Variants in KCNJ6 observed in about 807,000 individuals in gnomAD.
KCNJ6 encodes the protein G protein-activated inward rectifier potassium channel 2.
In KCNJ6, 9 loss-of-function variants were observed where a neutral mutation model predicts 34.2. The ratio of observed to expected loss-of-function variants is 0.26; its 90% confidence interval spans 0.16 to 0.46. The LOEUF is 0.46. KCNJ6 is among the 20% of genes least tolerant of loss of function. The pLI, the probability that KCNJ6 is intolerant of heterozygous loss-of-function variation, is 1.00. For missense variants in KCNJ6, 236 were observed against 531.3 expected (o/e 0.44, Z 5.46); for synonymous variants, 196 against 207.1 (o/e 0.95, Z 0.46).
intron 3 of KCNJ6, among the ~76,000 whole-genome samples, chr21:37,674,702 C>T (rs1267715412): frequency 6.6e-6 from 1 of 151,564 alleles, no homozygotes; most frequent in African/African-American, 2.4e-5. Context: ...CCCTATACCT[C>T]ACGTACTTCA....
chr21:37,621,031 T>C lies in KCNJ6; in HGVS notation c.*4128A>G, dbSNP rs1322141652. The C allele has an allele frequency of 1.3e-5, 2 of 152,234 alleles. No homozygotes were observed. Among genetic ancestry groups the C allele is most frequent in the African/African-American group, 4.8e-5 (2 of 41,462 alleles). 9.4% of individuals were successfully genotyped at this position (152,234 alleles called of 1,614,324 possible). A position where few individuals can be genotyped will look rare whatever the true frequency, so the allele number is the denominator to read the frequency against. The stretch of plus-strand genomic sequence containing the variant: ...AACAAGATAATGTTATTTTAGTGTA[T>C]TGTAAAGTAATATCAATGAATCATC... On this transcript the variant is annotated 3_prime_UTR_variant, in exon 4 of 4. Transcript: ENST00000609713.
rs35281433 is a variant in KCNJ6, at chr21:37,607,484, T to TATATATATATATATATATA, written c.*17674_*17675insTATATATATATATATATAT. The TATATATATATATATATATA allele has an allele frequency of 3.1e-3, 192 of 62,140 alleles. No homozygotes were observed. Among genetic ancestry groups the TATATATATATATATATATA allele is most frequent in the East Asian group, 0.013 (20 of 1,546 alleles). 3.8% of individuals were successfully genotyped at this position (62,140 alleles called of 1,614,324 possible). A position where few individuals can be genotyped will look rare whatever the true frequency, so the allele number is the denominator to read the frequency against. On this transcript the variant is annotated 3_prime_UTR_variant, in exon 4 of 4. Coordinates refer to ENST00000609713, the MANE Select transcript of KCNJ6 (RefSeq NM_002240.5). The stretch of plus-strand genomic sequence containing the variant: ...TAAAGATATATATATATATATATAT[T>TATATATATATATATATATA]TTTTTTTTATTTTAAAAAAATTTGG...
At chr21:37,858,997 C>T (rs1480935876) in intron 1 of KCNJ6, among the ~76,000 whole-genome samples, 2 of 152,086 alleles carry the variant, frequency 1.3e-5, no homozygotes, top group African/African-American at 4.8e-5. Context: ...GATGTAAGTA[C>T]AGTATATATT....
intron 2 of KCNJ6, among the ~76,000 whole-genome samples, chr21:37,760,967 G>A (rs1432436747): frequency 6.6e-6 from 1 of 152,200 alleles, no homozygotes; most frequent in African/African-American, 2.4e-5. Context: ...ATGAGACAAA[G>A]CCAGGCAGGT....
At chr21:37,738,289 G>C (rs1389039254) in intron 2 of KCNJ6, among the ~76,000 whole-genome samples, 1 of 152,148 alleles carries the variant, frequency 6.6e-6, no homozygotes, top group African/African-American at 2.4e-5. Context: ...TGGGTTTCAT[G>C]CACTTGGGAT....
At chr21:37,736,206 T>C (rs2054912356) in intron 2 of KCNJ6, among the ~76,000 whole-genome samples, 1 of 151,920 alleles carries the variant, frequency 6.6e-6, no homozygotes, top group African/African-American at 2.4e-5. Flanking sequence ...GCCCTGGGGA[T>C]GCAAAGACCA....
intron 2 of KCNJ6, among the ~76,000 whole-genome samples, chr21:37,764,646 G>A (rs1313661377): frequency 1.3e-5 from 2 of 152,156 alleles, no homozygotes; most frequent in African/African-American, 4.8e-5. Context: ...CCCAAGTGCC[G>A]GGATTACAGG....
intron 1 of KCNJ6, among the ~76,000 whole-genome samples, chr21:37,912,532 C>T (rs2836050): frequency 0.32 from 49,101 of 152,108 alleles, 10,574 homozygotes; most frequent in African/African-American, 0.61. Context: ...TCATAATGAA[C>T]GTCTACTTCC....
At chr21:37,688,177 A>G (rs946306907) in intron 3 of KCNJ6, among the ~76,000 whole-genome samples, 1 of 152,190 alleles carries the variant, frequency 6.6e-6, no homozygotes, top group Admixed American at 6.5e-5. Flanking sequence ...CTGTTCTAAC[A>G]TATTTGAATT....
chr21:37,826,989 C>A, intron 2 of KCNJ6, among the ~76,000 whole-genome samples: 1 of 152,080 alleles, frequency 6.6e-6, no homozygotes, highest in East Asian at 1.9e-4. Context: ...GGGGACTCAG[C>A]GACTCTCAGG....
chr21:37,682,589 G>C (rs887475490), intron 3 of KCNJ6, among the ~76,000 whole-genome samples: 9 of 152,104 alleles, frequency 5.9e-5, no homozygotes, highest in African/African-American at 2.2e-4. Flanking sequence ...ATTGGATTTA[G>C]GGGCCACCAG....
At chr21:37,655,218 TGTGTGTGAGAGAGAGAGAGA>T (rs2054455170) in intron 3 of KCNJ6, among the ~76,000 whole-genome samples, 4 of 13,944 alleles carry the variant, frequency 2.9e-4, no homozygotes, top group South Asian at 1.7e-3. Context: ...TGTGTGTGTG[TGTGTGTGAGAGAGAGAGAGA>T]GAGAGAGAGA....
intron 1 of KCNJ6, among the ~76,000 whole-genome samples, chr21:37,909,815 G>T (rs184040108): frequency 6.6e-6 from 1 of 152,298 alleles, no homozygotes; most frequent in East Asian, 1.9e-4. Context: ...TAGCATAGTG[G>T]ATTATATTAT....
chr21:37,848,867 T>C (rs954655109), intron 1 of KCNJ6, among the ~76,000 whole-genome samples: 2 of 152,184 alleles, frequency 1.3e-5, no homozygotes, highest in Non-Finnish European at 2.9e-5. Flanking sequence ...GTGTCCTCCC[T>C]GGCTTGAAAT....
intron 2 of KCNJ6, among the ~76,000 whole-genome samples, chr21:37,795,402 TAAGA>T (rs1443145136): frequency 3.3e-5 from 5 of 152,128 alleles, no homozygotes; most frequent in Non-Finnish European, 7.4e-5. Context: ...CTTCCCTTTT[TAAGA>T]AAGATATGGG....
Position 37,806,128 on chromosome 21 carries a change from T to C in KCNJ6, c.25+34530A>G, listed in dbSNP as rs370624901. 1.3e-4 allele frequency among the ~76,000 whole-genome samples: 20 copies of C among 152,302 alleles called. No individual in the cohort carries two copies. The East Asian group carries it at 3.5e-3, about 26-fold the overall frequency. ...TCTATGTGATCTGTGATGGCTGACA[T>C]GGAAAGAAGCCCCAGCAACTGGCTG... On this transcript the variant is annotated intron_variant, in intron 2 of 3. Coordinates refer to ENST00000609713, the MANE Select transcript of KCNJ6 (RefSeq NM_002240.5).
At position 37,706,543 on chromosome 21, in the gene KCNJ6, G is replaced by C. The variant is rs2054720584; in HGVS notation, c.946+7668C>G. ...GGCTGCTCCTTCAGTCTGCATCTTGGAGAAAACAGGCTGTAAACAGCTGCG... is the reference window on the plus strand; with the variant it reads ...GGCTGCTCCTTCAGTCTGCATCTTGCAGAAAACAGGCTGTAAACAGCTGCG... On this transcript the variant is annotated intron_variant, in intron 3 of 3. Coordinates refer to ENST00000609713, the MANE Select transcript of KCNJ6 (RefSeq NM_002240.5). Among the ~76,000 whole-genome samples the C allele has an allele frequency of 2.6e-5, 4 of 152,134 alleles. No individual in the cohort carries two copies. The South Asian group carries it at 8.3e-4, about 32-fold the overall frequency.
At chr21:37,728,743 C>T (rs539571362) in intron 2 of KCNJ6, among the ~76,000 whole-genome samples, 2 of 151,916 alleles carry the variant, frequency 1.3e-5, no homozygotes, top group Non-Finnish European at 2.9e-5. Context: ...TAGAGAAAAG[C>T]GTATGGAGAG....
intron 3 of KCNJ6, among the ~76,000 whole-genome samples, chr21:37,640,391 A>C (rs1458784010): frequency 6.6e-6 from 1 of 152,262 alleles, no homozygotes; most frequent in Non-Finnish European, 1.5e-5. Context: ...ACCAGATTAT[A>C]GGTGCTATCA....
Sources: allele counts gnomAD v4.1 joint callset (sites outside exome capture counted in the v4.1 genomes callset), GRCh38; gene constraint gnomAD v4.1.1; transcripts MANE v1.5; gene names NCBI Gene and HGNC (gene_info 2026-07-23, HGNC 2026-07-21).